The following NTNG1 variants were observed in gnomAD, a reference collection of about 807,000 sequenced individuals.
The protein encoded by NTNG1 is netrin-G1.
In NTNG1, 16 loss-of-function variants were observed where a neutral mutation model predicts 54.0. The observed-to-expected ratio is 0.30, with a 90% CI of 0.20 to 0.45. The LOEUF (loss-of-function observed/expected upper bound fraction) is 0.45. NTNG1 is among the 20% of genes least tolerant of loss of function. The probability of loss-of-function intolerance (pLI) is 1.00; values close to 1 mark genes in which losing one functional copy is unlikely to be tolerated. For missense variants in NTNG1, 530 were observed against 678.7 expected (o/e 0.78, Z 2.43); for synonymous variants, 255 against 263.1 (o/e 0.97, Z 0.30).
chr1:107,411,746 C>G (rs1673830200), intron 5 of NTNG1, among the ~76,000 whole-genome samples: 1 of 152,126 alleles, frequency 6.6e-6, no homozygotes, highest in Admixed American at 6.6e-5. Context: ...TAATTTTGAA[C>G]TGTTTGCTGA....
chr1:107,384,447 C>CTATA (rs368926485), intron 3 of NTNG1, among the ~76,000 whole-genome samples: 1 of 151,812 alleles, frequency 6.6e-6, no homozygotes, highest in Non-Finnish European at 1.5e-5. Context: ...CTCTCTCTCT[C>CTATA]TATATATATG....
chr1:107,269,062 G>A (rs1007338905), intron 2 of NTNG1, among the ~76,000 whole-genome samples: 2 of 152,082 alleles, frequency 1.3e-5, no homozygotes, highest in African/African-American at 4.8e-5. Flanking sequence ...TCACTCCTCT[G>A]TTAAAACACT....
chr1:107,375,006 G>T (rs987722939), intron 3 of NTNG1, among the ~76,000 whole-genome samples: 2 of 152,164 alleles, frequency 1.3e-5, no homozygotes, highest in Admixed American at 1.3e-4. Context: ...AGTCTGACTA[G>T]TGAGCACCGG....
At chr1:107,157,182 T>C (rs563035206) in intron 2 of NTNG1, among the ~76,000 whole-genome samples, 1 of 152,292 alleles carries the variant, frequency 6.6e-6, no homozygotes, top group Non-Finnish European at 1.5e-5. Context: ...ATATGTAGCA[T>C]TGTTTTTGAA....
intron 7 of NTNG1, 42 bp from the exon 8 acceptor site, chr1:107,480,569 T>TACCCCC: frequency 1.8e-5 from 11 of 609,588 alleles, no homozygotes; most frequent in East Asian, 1.1e-4. Context: ...CTGCTTCTCC[T>TACCCCC]CCCCGCGCCC....
chr1:107,145,387 T>C lies in NTNG1; in HGVS notation c.-525-2682T>C, dbSNP rs75842273. 1.2e-4 allele frequency among the ~76,000 whole-genome samples: 19 copies of C among 152,178 alleles called. No homozygotes were observed. The East Asian group carries it at 3.7e-3, about 29-fold the overall frequency. ...AGTTAAGAGGATTTCCTTTGAAGTA[T>C]ATGTGACACTGAAAAGTAAGAAGAC... On this transcript the variant is annotated intron_variant, in intron 1 of 7. Coordinates refer to ENST00000370068, the MANE Select transcript of NTNG1 (RefSeq NM_001113226.3).
chr1:107,432,654 G>A (rs143393718), intron 6 of NTNG1, among the ~76,000 whole-genome samples: 1 of 151,892 alleles, frequency 6.6e-6, no homozygotes, highest in East Asian at 1.9e-4. Flanking sequence ...GCTATAGATA[G>A]GTAAACACCA....
chr1:107,227,106 T>C (rs1326185611), intron 2 of NTNG1, among the ~76,000 whole-genome samples: 1 of 152,112 alleles, frequency 6.6e-6, no homozygotes, highest in Non-Finnish European at 1.5e-5. Flanking sequence ...GGTCTGAGTT[T>C]CAGCTCTTCT....
rs372403122 is a variant in NTNG1 at position 107,230,603 on chromosome 1, C to T, written c.246+81764C>T. Among the ~76,000 whole-genome samples the T allele has an allele frequency of 9.9e-4, 151 of 152,210 alleles. 1 individual carries two copies. Among genetic ancestry groups the T allele is most frequent in the Non-Finnish European group, 1.9e-3 (126 of 67,992 alleles). ...ATTATCTAAACCTTGTTTTCTTCAC[C>T]TTGTTTTCCTTTTGATTCTTGACCT... On this transcript the variant is annotated intron_variant, in intron 2 of 7. Coordinates refer to ENST00000370068, the MANE Select transcript of NTNG1 (RefSeq NM_001113226.3).
chr1:107,294,116 A>G (rs1319798645), intron 2 of NTNG1, among the ~76,000 whole-genome samples: 1 of 152,200 alleles, frequency 6.6e-6, no homozygotes, highest in South Asian at 2.1e-4. Flanking sequence ...CTGGACGAGG[A>G]GGTGTCTCCT....
intron 3 of NTNG1, among the ~76,000 whole-genome samples, chr1:107,364,172 C>A (rs1046676413): frequency 1.3e-5 from 2 of 152,126 alleles, no homozygotes; most frequent in African/African-American, 2.4e-5. Context: ...ATCTTCCAAA[C>A]CTTTTTCACA....
At chr1:107,145,832 T>A (rs1654066394) in intron 1 of NTNG1, among the ~76,000 whole-genome samples, 1 of 152,110 alleles carries the variant, frequency 6.6e-6, no homozygotes, top group Non-Finnish European at 1.5e-5. Context: ...AGTCCATAAT[T>A]CTGTGTAATG....
Position 107,466,720 on chromosome 1 carries a change from G to C in NTNG1, c.1391-13891G>C, listed in dbSNP as rs115819701. Reference sequence around the variant, plus strand: ...TTTAAATACCATGCATAGCCTCCCAGTTGTATCCAAACCAATTCATAAATT... The same window carrying C: ...TTTAAATACCATGCATAGCCTCCCACTTGTATCCAAACCAATTCATAAATT... On this transcript the variant is annotated intron_variant, in intron 7 of 7. Transcript: ENST00000370068. 2.3e-4 allele frequency among the ~76,000 whole-genome samples: 35 copies of C among 152,152 alleles called. 1 individual carries two copies. Among genetic ancestry groups the C allele is most frequent in the Non-Finnish European group, 3.8e-4 (26 of 68,032 alleles).
intron 6 of NTNG1, 146 bp from the exon 7 acceptor site, chr1:107,436,519 T>C (rs1675605544): frequency 1.8e-6 from 1 of 563,728 alleles, no homozygotes; most frequent in East Asian, 3.1e-5. Flanking sequence ...TAAATGGTTG[T>C]GAAATAGCCA....
intron 2 of NTNG1, among the ~76,000 whole-genome samples, chr1:107,194,702 A>T (rs1658196073): frequency 6.6e-6 from 1 of 152,036 alleles, no homozygotes; most frequent in Non-Finnish European, 1.5e-5. Context: ...TTAACTTCTG[A>T]TTTATCACAA....
At chr1:107,213,903 C>T (rs954384172) in intron 2 of NTNG1, among the ~76,000 whole-genome samples, 11 of 151,776 alleles carry the variant, frequency 7.2e-5, no homozygotes, top group African/African-American at 2.7e-4. Context: ...TGCCTTTTGC[C>T]GTTATATTTT....
At chr1:107,376,718 T>TTAACCTAATTGCTGACATAGTA (rs1553235387) in intron 3 of NTNG1, among the ~76,000 whole-genome samples, 9 of 152,306 alleles carry the variant, frequency 5.9e-5, no homozygotes, top group Admixed American at 5.9e-4. Context: ...ATGGAAATTT[T>TTAACCTAATTGCTGACATAGTA]TAACCTAATT....
At chr1:107,331,176 C>T (rs4360548) in intron 3 of NTNG1, among the ~76,000 whole-genome samples, 116,413 of 151,862 alleles carry the variant, frequency 0.77, 46,918 homozygotes, top group Non-Finnish European at 0.9. Context: ...TCACGGCAAA[C>T]CTTAGGCTTT....
intron 3 of NTNG1, among the ~76,000 whole-genome samples, chr1:107,333,526 T>G (rs1668400663): frequency 6.6e-6 from 1 of 152,006 alleles, no homozygotes; most frequent in Non-Finnish European, 1.5e-5. Context: ...TAGAACTTAC[T>G]TAGTCAAAAA....
Sources: gnomAD v4.1 joint callset for allele counts (sites outside exome capture counted in the v4.1 genomes callset) on GRCh38, gnomAD v4.1.1 for gene constraint, MANE v1.5 for transcripts, NCBI Gene and HGNC (gene_info 2026-07-23, HGNC 2026-07-21) for gene names.